The following FOXJ3 variants were observed in gnomAD, a reference collection of about 807,000 sequenced individuals.
FOXJ3 encodes the protein forkhead box protein J3.
FOXJ3 carries 22 observed loss-of-function variants against 76.1 expected under a neutral mutation model. That is an observed-to-expected ratio of 0.29 (90% CI 0.21 to 0.41). The LOEUF is 0.41. Ranked by LOEUF, FOXJ3 falls within the 10% of genes least tolerant of loss-of-function variation. The pLI is 1.00. For synonymous variants in FOXJ3, 269 were observed against 261.2 expected (o/e 1.03, Z -0.29); for missense variants, 613 against 762.1 (o/e 0.80, Z 2.30).
At chr1:42,209,522 G>A (rs1646925716) in intron 5 of FOXJ3, among the ~76,000 whole-genome samples, 1 of 152,178 alleles carries the variant, frequency 6.6e-6, no homozygotes, top group African/African-American at 2.4e-5. Context: ...TTGAGTGGGA[G>A]AGAGACTTCC....
Position 42,279,573 on chromosome 1 carries a change from TA to T in FOXJ3, c.45-902del, listed in dbSNP as rs1339781867. 3.3e-5 allele frequency among the ~76,000 whole-genome samples: 5 copies of T among 152,234 alleles called. No homozygotes were observed. The East Asian group carries it at 9.7e-4, about 29-fold the overall frequency. Reference sequence around the variant, plus strand: ...CCATTACCACACAAAGAAAGAAAACTAAATCTGCCAGGTTAACACATATCCT... The same window carrying T: ...CCATTACCACACAAAGAAAGAAAACTAATCTGCCAGGTTAACACATATCCT... On this transcript the variant is annotated intron_variant, in intron 2 of 12. Transcript: ENST00000361346.
chr1:42,185,252 ATTTTTTTT>A (rs36007346), intron 11 of FOXJ3, among the ~76,000 whole-genome samples: 2 of 108,296 alleles, frequency 1.8e-5, no homozygotes, highest in South Asian at 3.3e-4. Context: ...AACATACTGA[ATTTTTTTT>A]TTTTTTTTTT....
chr1:42,280,381 T>C (rs1652606514), intron 2 of FOXJ3: 1 of 961,870 alleles, frequency 1.0e-6, no homozygotes, highest in African/African-American at 1.9e-5. Context: ...ATCTCTATTG[T>C]ACACATTCCT....
intron 9 of FOXJ3, among the ~76,000 whole-genome samples, chr1:42,191,021 C>T (rs1470179573): frequency 8.6e-6 from 1 of 116,190 alleles, no homozygotes; most frequent in Non-Finnish European, 1.9e-5. Context: ...GTCATCTATA[C>T]TTGATTTGGC....
At chr1:42,303,983 T>G (rs1361454582) in intron 2 of FOXJ3, among the ~76,000 whole-genome samples, 1 of 152,060 alleles carries the variant, frequency 6.6e-6, no homozygotes, top group Non-Finnish European at 1.5e-5. Flanking sequence ...AGGTCCAAAT[T>G]ATCCTTGTTT....
chr1:42,192,598 T>G lies in FOXJ3; in HGVS notation c.935-879A>C, dbSNP rs115799307. Reference sequence around the variant, plus strand: ...AAATGTTAGCTGCCATGATGATGATTAAGCCAAAAATGTTTAATGTTAAGG... The same window carrying G: ...AAATGTTAGCTGCCATGATGATGATGAAGCCAAAAATGTTTAATGTTAAGG... On this transcript the variant is annotated intron_variant, in intron 8 of 12. Transcript: ENST00000361346. Among the ~76,000 whole-genome samples the G allele has an allele frequency of 5.0e-3, 758 of 152,304 alleles. 9 individuals carry two copies. Among genetic ancestry groups the G allele is most frequent in the African/African-American group, 0.017 (715 of 41,564 alleles).
intron 4 of FOXJ3, among the ~76,000 whole-genome samples, chr1:42,236,998 T>G (rs558060937): frequency 6.6e-6 from 1 of 152,192 alleles, no homozygotes; most frequent in South Asian, 2.1e-4. Flanking sequence ...ATTCGGATTA[T>G]AAGAATATAG....
At chr1:42,298,936 C>T (rs1344793140) in intron 2 of FOXJ3, among the ~76,000 whole-genome samples, 1 of 152,140 alleles carries the variant, frequency 6.6e-6, no homozygotes, top group Non-Finnish European at 1.5e-5. Flanking sequence ...TAGTTTCCAT[C>T]TACTTGAATA....
At chr1:42,311,740 T>C (rs11210620) in intron 1 of FOXJ3, among the ~76,000 whole-genome samples, 18,731 of 152,058 alleles carry the variant, frequency 0.12, 1,504 homozygotes, top group Admixed American at 0.23. Context: ...GTTCAAATTC[T>C]AACTGTGGCA....
At chr1:42,217,430 G>A (rs1647092621) in intron 5 of FOXJ3, among the ~76,000 whole-genome samples, 1 of 152,080 alleles carries the variant, frequency 6.6e-6, no homozygotes, top group Non-Finnish European at 1.5e-5. Flanking sequence ...TCGGGAGGCT[G>A]AGGCAGAAGA....
intron 2 of FOXJ3, among the ~76,000 whole-genome samples, chr1:42,285,200 C>A (rs1017765526): frequency 6.6e-6 from 1 of 152,052 alleles, no homozygotes; most frequent in South Asian, 2.1e-4. Flanking sequence ...GTTTGCTGCA[C>A]AGATCAAACC....
intron 5 of FOXJ3, among the ~76,000 whole-genome samples, chr1:42,222,046 G>GAGAAGAAGAAGAAGAAGAAGAAGAAGA (rs1161062102): frequency 1.0e-3 from 9 of 9,018 alleles, no homozygotes; most frequent in African/African-American, 1.3e-3. Context: ...GAAGGAGAAG[G>GAGAAGAAGAAGAAGAAGAAGAAGAAGA]AGAAGAAGAA....
In FOXJ3 at chr1:42,296,595, T is replaced by C. The variant is rs1653805768; in HGVS notation, c.44+14455A>G. 3.3e-5 allele frequency among the ~76,000 whole-genome samples: 5 copies of C among 152,244 alleles called. No homozygotes were observed. In the South Asian group the frequency reaches 1.0e-3, roughly 32 times the overall value. On this transcript the variant is annotated intron_variant, in intron 2 of 12. Coordinates refer to ENST00000361346, the MANE Select transcript of FOXJ3 (RefSeq NM_014947.5). ...TCTCCACTGTTTATTTTCATCAACT[T>C]TGTCAAAGATCAGTTGGTTGTAGGT...
At chr1:42,292,030 C>A (rs367722606) in intron 2 of FOXJ3, among the ~76,000 whole-genome samples, 157 of 151,468 alleles carry the variant, frequency 1.0e-3, no homozygotes, top group African/African-American at 3.6e-3. Flanking sequence ...GGGGATGGGA[C>A]CCTGAGGAGG....
intron 5 of FOXJ3, among the ~76,000 whole-genome samples, chr1:42,227,081 G>A (rs1569947331): frequency 6.6e-6 from 1 of 152,176 alleles, no homozygotes; most frequent in Non-Finnish European, 1.5e-5. Context: ...TCCAGTAGAG[G>A]AGACAAATAT....
chr1:42,294,892 A>G (rs75901257), intron 2 of FOXJ3, among the ~76,000 whole-genome samples: 1,585 of 152,306 alleles, frequency 0.01, 31 homozygotes, highest in African/African-American at 0.036. Context: ...AAGAGTAAGT[A>G]CAATGCCTAG....
At chr1:42,322,635 G>A (rs868293015) in intron 1 of FOXJ3, among the ~76,000 whole-genome samples, 1 of 151,940 alleles carries the variant, frequency 6.6e-6, no homozygotes, top group Admixed American at 6.6e-5. Context: ...TTCTTTCTCA[G>A]ATTTCAGGAA....
At chr1:42,273,423 C>T (rs1198387472) in intron 3 of FOXJ3, among the ~76,000 whole-genome samples, 1 of 152,006 alleles carries the variant, frequency 6.6e-6, no homozygotes, top group African/African-American at 2.4e-5. Flanking sequence ...CCTGTAATAC[C>T]AGCACTTTGG....
At chr1:42,180,358 A>AATT (rs1321671943) in intron 12 of FOXJ3, among the ~76,000 whole-genome samples, 2 of 152,198 alleles carry the variant, frequency 1.3e-5, no homozygotes, top group Non-Finnish European at 2.9e-5. Context: ...AGCTGAGTAC[A>AATT]GAATGCCCAC....
Sources: allele counts gnomAD v4.1 joint callset (sites outside exome capture counted in the v4.1 genomes callset), GRCh38; gene constraint gnomAD v4.1.1; transcripts MANE v1.5; gene names NCBI Gene and HGNC (gene_info 2026-07-23, HGNC 2026-07-21).